The following RAD21L1 variants were observed in gnomAD, a reference collection of about 807,000 sequenced individuals.
RAD21L1 encodes the protein double-strand-break repair protein rad21-like protein 1.
Under a neutral mutation model 69.0 loss-of-function variants are expected in RAD21L1, and 47 were observed. The observed-to-expected ratio is 0.68, with a 90% CI of 0.54 to 0.87. The LOEUF (loss-of-function observed/expected upper bound fraction) is 0.87. Among genes scored for constraint, RAD21L1 ranks in the 40% least tolerant of loss-of-function variants. The probability of loss-of-function intolerance (pLI) is 0.00; values close to 1 mark genes in which losing one functional copy is unlikely to be tolerated. For synonymous variants in RAD21L1, 177 were observed against 205.8 expected (o/e 0.86, Z 1.20); for missense variants, 583 against 647.6 (o/e 0.90, Z 1.08).
rs181185116 is a variant in RAD21L1 at position 1,240,636 on chromosome 20, G to A, written c.856+202G>A. Among the ~76,000 whole-genome samples the A allele has an allele frequency of 2.0e-5, 3 of 152,210 alleles. No individual in the cohort carries two copies. The East Asian group carries it at 5.8e-4, about 29-fold the overall frequency. On this transcript the variant is annotated intron_variant, in intron 8 of 13. Transcript: ENST00000683101. ...AGCGGGACTCAACTCCAGAATTGGG[G>A]GTTGGACACCGGACCAGATGAGGAC...
At chr20:1,232,391 C>CTT (rs1046374024) in intron 4 of RAD21L1, among the ~76,000 whole-genome samples, 3 of 152,114 alleles carry the variant, frequency 2.0e-5, no homozygotes, top group African/African-American at 7.2e-5. Flanking sequence ...GCTACTTACT[C>CTT]TAAGGGGAAA....
intron 5 of RAD21L1, among the ~76,000 whole-genome samples, chr20:1,234,575 T>C (rs747430408): frequency 6.6e-6 from 1 of 152,200 alleles, no homozygotes; most frequent in Non-Finnish European, 1.5e-5. Flanking sequence ...TGAAATGCCT[T>C]CAAAATATAT....
At chr20:1,236,863 A>T (rs1391829217) in intron 5 of RAD21L1, among the ~76,000 whole-genome samples, 1 of 152,206 alleles carries the variant, frequency 6.6e-6, no homozygotes, top group Non-Finnish European at 1.5e-5. Context: ...TATTTTGTAT[A>T]ATCTGATATT....
At chr20:1,235,664 AC>A (rs1180781528) in intron 5 of RAD21L1, among the ~76,000 whole-genome samples, 1 of 152,144 alleles carries the variant, frequency 6.6e-6, no homozygotes, top group African/African-American at 2.4e-5. Context: ...ATAACCCCAG[AC>A]CCAGAATTGC....
intron 5 of RAD21L1, among the ~76,000 whole-genome samples, chr20:1,235,603 C>A (rs912014880): frequency 6.6e-6 from 1 of 152,094 alleles, no homozygotes; most frequent in Admixed American, 6.6e-5. Flanking sequence ...TCTTGTGGAC[C>A]AGTACCAGTC....
At chr20:1,251,768 G>A (rs6109147) in intron 13 of RAD21L1, among the ~76,000 whole-genome samples, 3 of 151,618 alleles carry the variant, frequency 2.0e-5, no homozygotes, top group African/African-American at 7.3e-5. Flanking sequence ...TTGTTTTCCA[G>A]GAGTTTTTTT....
rs761859406 is a variant in RAD21L1, at chr20:1,254,515, A to G, written c.*58A>G. 4.7e-5 allele frequency: 59 copies of G among 1,254,492 alleles called. No homozygotes were observed. The highest frequency in any genetic ancestry group is 5.4e-5 in the Non-Finnish European group (51 of 937,880). The allele number at this position is 1,254,492 out of a possible 1,614,324, so 77.7% of individuals were successfully genotyped here. ...CTGGAATTTCTGTGTAGATTGTTCA[A>G]TTTAATGCAGAAGCCATCTGGAAGC... On this transcript the variant is annotated 3_prime_UTR_variant, in exon 14 of 14. Transcript: ENST00000683101.
At chr20:1,240,644 A>G (rs1356534073) in intron 8 of RAD21L1, among the ~76,000 whole-genome samples, 1 of 152,132 alleles carries the variant, frequency 6.6e-6, no homozygotes, top group Admixed American at 6.5e-5. Context: ...GGGGTTGGAC[A>G]CCGGACCAGA....
At chr20:1,232,838 C>A (rs1412699424) in intron 4 of RAD21L1, among the ~76,000 whole-genome samples, 1 of 152,086 alleles carries the variant, frequency 6.6e-6, no homozygotes, top group East Asian at 1.9e-4. Context: ...GGAACAACAA[C>A]AACAAAAGAG....
intron 13 of RAD21L1, among the ~76,000 whole-genome samples, chr20:1,250,519 C>T (rs2087807417): frequency 1.3e-5 from 2 of 151,994 alleles, no homozygotes; most frequent in African/African-American, 4.8e-5. Flanking sequence ...CATCCATGTC[C>T]CTACAAAGAC....
chr20:1,236,520 T>C (rs1159205853), intron 5 of RAD21L1, among the ~76,000 whole-genome samples: 2 of 152,218 alleles, frequency 1.3e-5, no homozygotes, highest in East Asian at 3.8e-4. Flanking sequence ...GTATCTTCCT[T>C]TACAATTTTA....
intron 11 of RAD21L1, among the ~76,000 whole-genome samples, chr20:1,244,614 A>G (rs563624615): frequency 2.6e-5 from 4 of 152,196 alleles, no homozygotes; most frequent in Admixed American, 6.6e-5. Flanking sequence ...CTGAAAGACT[A>G]TCTAAAGATC....
At chr20:1,229,022 CAG>C (rs1357135869) in intron 2 of RAD21L1, among the ~76,000 whole-genome samples, 2 of 152,226 alleles carry the variant, frequency 1.3e-5, no homozygotes, top group South Asian at 4.2e-4. Context: ...AACATTAAAA[CAG>C]TGATTAGAAT....
Position 1,243,254 on chromosome 20 carries a change from T to C in RAD21L1, c.1183+58T>C. On this transcript the variant is annotated intron_variant, in intron 10 of 13. Coordinates refer to ENST00000683101, the MANE Select transcript of RAD21L1 (RefSeq NM_001384355.1). ...GAATGCTGTGGAAACAAAAATTTGA[T>C]GTTTTAAATTTCAAAATGAAGGTGG... The C allele has an allele frequency of 3.7e-6, 3 of 818,228 alleles. 1 individual carries two copies. Among genetic ancestry groups the C allele is most frequent in the South Asian group, 4.0e-5 (2 of 49,990 alleles). The allele number at this position is 818,228 out of a possible 1,614,324, so 50.7% of individuals were successfully genotyped here.
At position 1,240,429 on chromosome 20, in the gene RAD21L1, T is replaced by G; in HGVS notation, c.851T>G (p.Ile284Ser). 1 of 1,540,202 alleles carries G rather than the reference T, an allele frequency of 6.5e-7. No individual in the cohort carries two copies. The highest frequency in any genetic ancestry group is 2.5e-5 in the East Asian group (1 of 40,730). Residue 284 changes from isoleucine (I) to serine (S), a missense_variant, in exon 8 of 14, where the codon ATT becomes AGT. Physicochemically the swap from Ile to Ser is moderately radical, Grantham distance 142. Coordinates refer to ENST00000683101, the MANE Select transcript of RAD21L1 (RefSeq NM_001384355.1). The stretch of plus-strand genomic sequence containing the variant: ...GGATTTACCCTTGATCCAATTGATA[T>G]TTCAGGTCAGAGGCATTTACGGTTT... ...EEGFTLDPID[I>S]SDIAEKRKGK...
Position 1,254,452 on chromosome 20 carries a change from A to G in RAD21L1, c.1663A>G (p.Ile555Val), listed in dbSNP as rs987003140. Residue 555 changes from isoleucine (I) to valine (V), a missense_variant, in exon 14 of 14, where the codon ATA becomes GTA. Transcript: ENST00000683101. Reference protein sequence around the residue: ...IATMGPMFYNI With the variant: ...IATMGPMFYNV The stretch of plus-strand genomic sequence containing the variant: ...TACGATGGGACCAATGTTTTATAAC[A>G]TATGAAGGAAACCCAGACATACAGA... 9 of 1,512,416 alleles carry G rather than the reference A, an allele frequency of 6.0e-6. No homozygotes were observed. In the African/African-American group the frequency reaches 7.0e-5, roughly 12 times the overall value. 93.7% of individuals were successfully genotyped at this position (1,512,416 alleles called of 1,614,324 possible).
chr20:1,232,948 A>G (rs1227016981), intron 4 of RAD21L1, among the ~76,000 whole-genome samples: 2 of 152,154 alleles, frequency 1.3e-5, no homozygotes. Context: ...TCCCTTATAA[A>G]AGAGACCTGT....
chr20:1,246,716 C>T lies in RAD21L1; in HGVS notation c.1401+411C>T, dbSNP rs1366926727. ...AACTTGTGGGCAATTTTTCCTTTAACATTATGTGGCACAAGGCTTGTATCT... is the reference window on the plus strand; with the variant it reads ...AACTTGTGGGCAATTTTTCCTTTAATATTATGTGGCACAAGGCTTGTATCT... On this transcript the variant is annotated intron_variant, in intron 12 of 13. Transcript: ENST00000683101. The surrounding 1 kb of genome is among the most constrained non-coding windows in gnomAD (Gnocchi z 4.6). Among the ~76,000 whole-genome samples the T allele has an allele frequency of 6.6e-6, 1 of 152,018 alleles. No individual in the cohort carries two copies. Among genetic ancestry groups the T allele is most frequent in the African/African-American group, 2.4e-5 (1 of 41,386 alleles).
rs1279444034 is a variant in RAD21L1, at chr20:1,255,697, A to G, written c.*1240A>G. ...CCACAATTAGGATTCCAGCAGTAAC[A>G]TCACCCTAAAAAATTCTGTTATCCC... On this transcript the variant is annotated 3_prime_UTR_variant, in exon 14 of 14. Transcript: ENST00000683101. Among the ~76,000 whole-genome samples the G allele has an allele frequency of 1.3e-5, 2 of 152,244 alleles. No individual in the cohort carries two copies. Among genetic ancestry groups the G allele is most frequent in the African/African-American group, 4.8e-5 (2 of 41,468 alleles).
Sources: gnomAD v4.1 joint callset for allele counts (sites outside exome capture counted in the v4.1 genomes callset) on GRCh38, gnomAD v4.1.1 for gene constraint, Gnocchi (gnomAD v3.1) non-coding constraint, MANE v1.5 for transcripts, NCBI Gene and HGNC (gene_info 2026-07-23, HGNC 2026-07-21) for gene names.